LRATD2: variants seen among roughly 807,000 people sequenced by gnomAD.
The protein encoded by LRATD2 is LRAT domain containing 2.
In LRATD2, 10 loss-of-function variants were observed where a neutral mutation model predicts 12.0. The ratio of observed to expected loss-of-function variants is 0.83; its 90% CI spans 0.51 to 1.41. LRATD2 has a LOEUF of 1.41. Among genes scored for constraint, LRATD2 ranks in the 40% most tolerant of loss-of-function variants. The probability of loss-of-function intolerance (pLI) is 0.00; values close to 1 mark genes in which losing one functional copy is unlikely to be tolerated. For missense variants in LRATD2, 455 were observed against 446.1 expected (o/e 1.02, Z -0.18); for synonymous variants, 220 against 205.8 (o/e 1.07, Z -0.59).
Position 126,556,745 on chromosome 8 carries a change from G to C in LRATD2, c.645C>G (p.Phe215Leu). The C allele has an allele frequency of 1.2e-6, 2 of 1,602,180 alleles. No individual in the cohort carries two copies. Among genetic ancestry groups the C allele is most frequent in the Non-Finnish European group, 1.7e-6 (2 of 1,174,486 alleles). ...AAWCRYGKREFKIGGELRIGK... is the reference protein window; with the variant it reads ...AAWCRYGKRELKIGGELRIGK... Reference sequence around the variant, plus strand: ...CGATGCGCAGCTCGCCGCCGATCTTGAACTCGCGCTTGCCGTAGCGGCACC... The same window carrying C: ...CGATGCGCAGCTCGCCGCCGATCTTCAACTCGCGCTTGCCGTAGCGGCACC... The change falls in exon 2 of 2, where the codon TTC becomes TTG. Residue 215 changes from phenylalanine (F) to leucine (L), a missense_variant. By Grantham distance (22) the Phe-to-Leu change is conservative (BLOSUM62 0). Coordinates refer to ENST00000304916, the MANE Select transcript of LRATD2 (RefSeq NM_174911.5). The surrounding 1 kb of genome is among the most constrained non-coding windows in gnomAD (Gnocchi z 5.6).
rs536487165 is a variant in LRATD2 at position 126,558,399 on chromosome 8, G to A, written c.-462C>T. On this transcript the variant is annotated 5_prime_UTR_variant, in exon 1 of 2. Coordinates refer to ENST00000304916, the MANE Select transcript of LRATD2 (RefSeq NM_174911.5). ...TTGGGCCGGGCGAGCAACAAGCACC[G>A]GAGCTGGAGGGACGGGATTGTAGAT... 6.6e-6 allele frequency: 1 copy of A among 152,336 alleles called. No individual in the cohort carries two copies. Among genetic ancestry groups the A allele is most frequent in the African/African-American group, 2.4e-5 (1 of 41,580 alleles). 9.4% of individuals were successfully genotyped at this position (152,336 alleles called of 1,614,324 possible).
Position 126,558,147 on chromosome 8 carries a change from C to T in LRATD2, c.-210G>A. 1 of 152,740 alleles carries T rather than the reference C, an allele frequency of 6.5e-6. No individual in the cohort carries two copies. Among genetic ancestry groups the T allele is most frequent in the Non-Finnish European group, 1.5e-5 (1 of 68,466 alleles). 9.5% of individuals were successfully genotyped at this position (152,740 alleles called of 1,614,324 possible). Reference sequence around the variant, plus strand: ...GCAGTCCCTCCTCTCCCGGCGCGGGCGGCAGCGAGGCTGGGCAGAGGGCAG... The same window carrying T: ...GCAGTCCCTCCTCTCCCGGCGCGGGTGGCAGCGAGGCTGGGCAGAGGGCAG... On this transcript the variant is annotated 5_prime_UTR_variant, in exon 1 of 2. Coordinates refer to ENST00000304916, the MANE Select transcript of LRATD2 (RefSeq NM_174911.5).
In LRATD2 at chr8:126,556,598, G is replaced by A. The variant is rs779367719; in HGVS notation, c.792C>T (p.Ala264=). The A allele has an allele frequency of 5.0e-6, 8 of 1,610,030 alleles. No individual in the cohort carries two copies. The highest frequency in any genetic ancestry group is 6.8e-6 in the Non-Finnish European group (8 of 1,178,176). Residue 264 remains alanine, a synonymous_variant, in exon 2 of 2, where the codon GCC becomes GCT. Coordinates refer to ENST00000304916, the MANE Select transcript of LRATD2 (RefSeq NM_174911.5). The surrounding 1 kb of genome is among the most constrained non-coding windows in gnomAD (Gnocchi z 5.6). ...KRRNDQIGRA[A]VLQELATHLH... is the part of the protein sequence containing the mutation. ...GGTGCGTGGCGAGCTCCTGCAGCAC[G>A]GCCGCGCGCCCGATCTGGTCGTTGC...
rs1216456910 is a variant in LRATD2 at position 126,557,806 on chromosome 8, C to G, written c.-97+228G>C. On this transcript the variant is annotated intron_variant, in intron 1 of 1. Coordinates refer to ENST00000304916, the MANE Select transcript of LRATD2 (RefSeq NM_174911.5). This position sits in a 1 kb window ranked among gnomAD's most constrained non-coding sequence, Gnocchi z 5.3. ...AGGAAAGAGAAACTTTACGCCAATC[C>G]CCCCCCTCCTCTGCTAACTTCCCCT... 1.1e-5 allele frequency: 2 copies of G among 179,396 alleles called. No individual in the cohort carries two copies. The highest frequency in any genetic ancestry group is 1.3e-4 in the South Asian group (1 of 7,708). 11.1% of individuals were successfully genotyped at this position (179,396 alleles called of 1,614,324 possible). A position where few individuals can be genotyped will look rare whatever the true frequency, so the allele number is the denominator to read the frequency against.
Position 126,553,702 on chromosome 8 carries a change from A to G in LRATD2, c.*2755T>C, listed in dbSNP as rs912066123. 1.3e-5 allele frequency: 2 copies of G among 152,204 alleles called. No individual in the cohort carries two copies. Among genetic ancestry groups the G allele is most frequent in the African/African-American group, 4.8e-5 (2 of 41,456 alleles). 9.4% of individuals were successfully genotyped at this position (152,204 alleles called of 1,614,324 possible). A position where few individuals can be genotyped will look rare whatever the true frequency, so the allele number is the denominator to read the frequency against. ...TGTAATAACCCTAAGAAAATTCCCA[A>G]TAAAAATCACTGTTCTTAAGTGTCA... On this transcript the variant is annotated 3_prime_UTR_variant, in exon 2 of 2. Transcript: ENST00000304916.
rs1178707989 is a variant in LRATD2 at position 126,557,593 on chromosome 8, G to A, written c.-96-108C>T. The A allele has an allele frequency of 1.7e-6, 1 of 596,776 alleles. No homozygotes were observed. 37.0% of individuals were successfully genotyped at this position (596,776 alleles called of 1,614,324 possible). On this transcript the variant is annotated intron_variant, in intron 1 of 1. Transcript: ENST00000304916. The surrounding 1 kb of genome is among the most constrained non-coding windows in gnomAD (Gnocchi z 5.3). ...GCTCAGCACCTGGAGCCATTTTAGGGGGAAGTCTCGGGTGTAGCGAGCTTT... is the reference window on the plus strand; with the variant it reads ...GCTCAGCACCTGGAGCCATTTTAGGAGGAAGTCTCGGGTGTAGCGAGCTTT...
In LRATD2 at chr8:126,556,817, G is replaced by C; in HGVS notation, c.573C>G (p.Ala191=). 6.2e-7 allele frequency: 1 copy of C among 1,602,144 alleles called. No individual in the cohort carries two copies. The highest frequency in any genetic ancestry group is 1.3e-5 in the African/African-American group (1 of 74,974). The change falls in exon 2 of 2, where the codon GCC becomes GCG. Residue 191 remains alanine (A), a synonymous_variant. Transcript: ENST00000304916. The surrounding 1 kb of genome is among the most constrained non-coding windows in gnomAD (Gnocchi z 5.6). ...VVRNALAHVG[A]KERELSWRNS... ...TGCGCCAGCTCAGCTCGCGCTCCTT[G>C]GCACCCACGTGCGCCAGCGCGTTGC...
Position 126,557,033 on chromosome 8 carries a change from G to T in LRATD2, c.357C>A (p.Gly119=), listed in dbSNP as rs764690666. 1.1e-5 allele frequency: 18 copies of T among 1,606,596 alleles called. No individual in the cohort carries two copies. The highest frequency in any genetic ancestry group is 1.0e-5 in the Non-Finnish European group (12 of 1,179,968). Reference sequence around the variant, plus strand: ...CCTGCGACACGAACTCCACCAGATCGCCCGGCTTGCACTTGTTGAGCAGGT... The same window carrying T: ...CCTGCGACACGAACTCCACCAGATCTCCCGGCTTGCACTTGTTGAGCAGGT... The part of the protein sequence containing the change: ...PENLLNKCKP[G]DLVEFVSQAQ... Residue 119 remains glycine, a synonymous_variant, in exon 2 of 2, where the codon GGC becomes GGA. Coordinates refer to ENST00000304916, the MANE Select transcript of LRATD2 (RefSeq NM_174911.5). This position sits in a 1 kb window ranked among gnomAD's most constrained non-coding sequence, Gnocchi z 5.3.
Position 126,556,082 on chromosome 8 carries a change from A to C in LRATD2, c.*375T>G. On this transcript the variant is annotated 3_prime_UTR_variant, in exon 2 of 2. Transcript: ENST00000304916. This position sits in a 1 kb window ranked among gnomAD's most constrained non-coding sequence, Gnocchi z 5.6. ...TCTTCCAAGCCCAGGATAGGAAGCA[A>C]CGGCAGGAATGGGTACTCCGAACTT... 4.2e-6 allele frequency: 1 copy of C among 238,664 alleles called. No individual in the cohort carries two copies. The highest frequency in any genetic ancestry group is 8.0e-6 in the Non-Finnish European group (1 of 124,850). 14.8% of individuals were successfully genotyped at this position (238,664 alleles called of 1,614,324 possible).
chr8:126,558,257 C>G lies in LRATD2; in HGVS notation c.-320G>C, dbSNP rs1817474434. 1 of 152,244 alleles carries G rather than the reference C, an allele frequency of 6.6e-6. No homozygotes were observed. The highest frequency in any genetic ancestry group is 1.5e-5 in the Non-Finnish European group (1 of 68,116). 9.4% of individuals were successfully genotyped at this position (152,244 alleles called of 1,614,324 possible). On this transcript the variant is annotated 5_prime_UTR_variant, in exon 1 of 2. Transcript: ENST00000304916. ...GAAGGCGGGGGGCAATCCCTGTTCA[C>G]ACCGCGCTTCCTCCCGCCAGCTGGG...
chr8:126,556,306 G>T lies in LRATD2; in HGVS notation c.*151C>A. 1.1e-6 allele frequency: 1 copy of T among 901,700 alleles called. No individual in the cohort carries two copies. Among genetic ancestry groups the T allele is most frequent in the Non-Finnish European group, 1.6e-6 (1 of 629,710 alleles). The allele number at this position is 901,700 out of a possible 1,614,324, so 55.9% of individuals were successfully genotyped here. A position where few individuals can be genotyped will look rare whatever the true frequency, so the allele number is the denominator to read the frequency against. ...CTTCCTCCTCCCCCGTCCACAGCCG[G>T]CTGCGCATTTCACCAACTCTTTTCC... On this transcript the variant is annotated 3_prime_UTR_variant, in exon 2 of 2. Transcript: ENST00000304916. The surrounding 1 kb of genome is among the most constrained non-coding windows in gnomAD (Gnocchi z 5.6).
Position 126,556,222 on chromosome 8 carries a change from C to T in LRATD2, c.*235G>A. On this transcript the variant is annotated 3_prime_UTR_variant, in exon 2 of 2. Transcript: ENST00000304916. The surrounding 1 kb of genome is among the most constrained non-coding windows in gnomAD (Gnocchi z 5.6). ...CGCGGAGAGGAAGACAGACAGGGGG[C>T]CAGAGGGAGACGCCCCCCACCCCCA... 1 of 520,414 alleles carries T rather than the reference C, an allele frequency of 1.9e-6. No homozygotes were observed. The allele number at this position is 520,414 out of a possible 1,614,324, so 32.2% of individuals were successfully genotyped here. A position where few individuals can be genotyped will look rare whatever the true frequency, so the allele number is the denominator to read the frequency against.
chr8:126,553,676 G>A lies in LRATD2; in HGVS notation c.*2781C>T, dbSNP rs1462395207. The A allele has an allele frequency of 2.0e-5, 3 of 152,266 alleles. No homozygotes were observed. Among genetic ancestry groups the A allele is most frequent in the Admixed American group, 2.0e-4 (3 of 15,276 alleles). The allele number at this position is 152,266 out of a possible 1,614,324, so 9.4% of individuals were successfully genotyped here. ...TGTTACTAGTTGGTTGTTGCTTTAAGTGTAATAACCCTAAGAAAATTCCCA... is the reference window on the plus strand; with the variant it reads ...TGTTACTAGTTGGTTGTTGCTTTAAATGTAATAACCCTAAGAAAATTCCCA... On this transcript the variant is annotated 3_prime_UTR_variant, in exon 2 of 2. Coordinates refer to ENST00000304916, the MANE Select transcript of LRATD2 (RefSeq NM_174911.5).
chr8:126,557,039 C>T lies in LRATD2; in HGVS notation c.351G>A (p.Lys117=), dbSNP rs1193861976. 1 of 1,607,286 alleles carries T rather than the reference C, an allele frequency of 6.2e-7. No homozygotes were observed. The highest frequency in any genetic ancestry group is 1.1e-5 in the South Asian group (1 of 91,090). ...ACACGAACTCCACCAGATCGCCCGG[C>T]TTGCACTTGTTGAGCAGGTTCTCGG... is the stretch of plus-strand genomic sequence containing the variant. ...YTPENLLNKC[K]PGDLVEFVSQ... The change falls in exon 2 of 2, where the codon AAG becomes AAA. Residue 117 remains lysine, a synonymous_variant. Transcript: ENST00000304916. This position sits in a 1 kb window ranked among gnomAD's most constrained non-coding sequence, Gnocchi z 5.3.
At position 126,556,762 on chromosome 8, in the gene LRATD2, A is replaced by G; in HGVS notation, c.628T>C (p.Tyr210His). 1 of 1,598,968 alleles carries G rather than the reference A, an allele frequency of 6.3e-7. No individual in the cohort carries two copies. The highest frequency in any genetic ancestry group is 8.5e-7 in the Non-Finnish European group (1 of 1,173,386). The change falls in exon 2 of 2, where the codon TAC becomes CAC. Residue 210 changes from tyrosine (Y) to histidine (H), a missense_variant. Coordinates refer to ENST00000304916, the MANE Select transcript of LRATD2 (RefSeq NM_174911.5). The surrounding 1 kb of genome is among the most constrained non-coding windows in gnomAD (Gnocchi z 5.6). ...CCGATCTTGAACTCGCGCTTGCCGT[A>G]GCGGCACCAGGCGGCGAAACTCTCC... Reference protein sequence around the residue: ...NSESFAAWCRYGKREFKIGGE... With the variant: ...NSESFAAWCRHGKREFKIGGE...
Position 126,557,141 on chromosome 8 carries a change from G to A in LRATD2, c.249C>T (p.Cys83=), listed in dbSNP as rs781084316. The A allele has an allele frequency of 1.2e-5, 19 of 1,612,456 alleles. No homozygotes were observed. Among genetic ancestry groups the A allele is most frequent in the African/African-American group, 2.7e-5 (2 of 74,928 alleles). ...PYDPRLHEVE[C]SVFYRDECIY... ...TGCATTCGTCCCGGTAGAACACGGAGCATTCCACCTCGTGCAGCCGCGGAT... is the reference window on the plus strand; with the variant it reads ...TGCATTCGTCCCGGTAGAACACGGAACATTCCACCTCGTGCAGCCGCGGAT... The change falls in exon 2 of 2, where the codon TGC becomes TGT. Residue 83 remains cysteine (C), a synonymous_variant. Transcript: ENST00000304916. This position sits in a 1 kb window ranked among gnomAD's most constrained non-coding sequence, Gnocchi z 5.3.
Position 126,553,293 on chromosome 8 carries a change from A to C in LRATD2, c.*3164T>G, listed in dbSNP as rs1817317195. 1 of 152,664 alleles carries C rather than the reference A, an allele frequency of 6.6e-6. No individual in the cohort carries two copies. Among genetic ancestry groups the C allele is most frequent in the African/African-American group, 2.4e-5 (1 of 41,468 alleles). 9.5% of individuals were successfully genotyped at this position (152,664 alleles called of 1,614,324 possible). ...TCAATACAAAAAGTTGTGTAGCTGA[A>C]GTTGTGGGCTCCTTTGACATACATA... On this transcript the variant is annotated 3_prime_UTR_variant, in exon 2 of 2. Transcript: ENST00000304916.
chr8:126,557,072 G>T lies in LRATD2; in HGVS notation c.318C>A (p.Thr106=). The change falls in exon 2 of 2, where the codon ACC becomes ACA. Residue 106 remains threonine, a synonymous_variant. Transcript: ENST00000304916. The surrounding 1 kb of genome is among the most constrained non-coding windows in gnomAD (Gnocchi z 5.3). Reference sequence around the variant, plus strand: ...TGTTGAGCAGGTTCTCGGGCGTGTAGGTACTCAGCGCCGCCGAGCCCGGCG... The same window carrying T: ...TGTTGAGCAGGTTCTCGGGCGTGTATGTACTCAGCGCCGCCGAGCCCGGCG... The part of the protein sequence containing the change: ...SFAPGSAALS[T]YTPENLLNKC... The T allele has an allele frequency of 6.2e-7, 1 of 1,609,802 alleles. No individual in the cohort carries two copies. The highest frequency in any genetic ancestry group is 8.5e-7 in the Non-Finnish European group (1 of 1,180,000).
rs558344219 is a variant in LRATD2 at position 126,556,085 on chromosome 8, G to T, written c.*372C>A. On this transcript the variant is annotated 3_prime_UTR_variant, in exon 2 of 2. Transcript: ENST00000304916. The surrounding 1 kb of genome is among the most constrained non-coding windows in gnomAD (Gnocchi z 5.6). ...TCCAAGCCCAGGATAGGAAGCAACGGCAGGAATGGGTACTCCGAACTTTCC... is the reference window on the plus strand; with the variant it reads ...TCCAAGCCCAGGATAGGAAGCAACGTCAGGAATGGGTACTCCGAACTTTCC... 7 of 246,582 alleles carry T rather than the reference G, an allele frequency of 2.8e-5. No individual in the cohort carries two copies. The East Asian group carries it at 3.9e-4, about 14-fold the overall frequency. 15.3% of individuals were successfully genotyped at this position (246,582 alleles called of 1,614,324 possible).
Sources: allele counts gnomAD v4.1 joint callset, GRCh38; gene constraint gnomAD v4.1.1; non-coding constraint Gnocchi (gnomAD v3.1); transcripts MANE v1.5; gene names NCBI Gene and HGNC (gene_info 2026-07-23, HGNC 2026-07-21).